The following LRMDA variants were observed in gnomAD, a reference collection of about 807,000 sequenced individuals.
The protein encoded by LRMDA is leucine-rich melanocyte differentiation-associated protein.
A neutral mutation model predicts 29.8 loss-of-function variants in LRMDA; 18 were observed. That is an observed-to-expected ratio of 0.60 (90% confidence interval 0.42 to 0.90). The LOEUF (loss-of-function observed/expected upper bound fraction) is 0.90, where lower values mean the gene tolerates loss of function less well. Among genes scored for constraint, LRMDA ranks in the 40% least tolerant of loss-of-function variants. The pLI, the probability that LRMDA is intolerant of heterozygous loss-of-function variation, is 0.00. For missense variants in LRMDA, 273 were observed against 273.9 expected (o/e 1.00, Z 0.02); for synonymous variants, 125 against 109.4 (o/e 1.14, Z -0.89).
chr10:76,521,188 C>G (rs1843116468), intron 6 of LRMDA, among the ~76,000 whole-genome samples: 2 of 149,798 alleles, frequency 1.3e-5, no homozygotes, highest in South Asian at 4.2e-4. Flanking sequence ...GGCTGGAGTG[C>G]CGTGGCGCGA....
intron 6 of LRMDA, among the ~76,000 whole-genome samples, chr10:76,501,358 A>G (rs1260067039): frequency 6.6e-6 from 1 of 152,074 alleles, no homozygotes; most frequent in East Asian, 1.9e-4. Flanking sequence ...TCTTTTTGGT[A>G]GAACAATTTA....
At chr10:75,680,321 C>T (rs1264080536) in intron 2 of LRMDA, among the ~76,000 whole-genome samples, 2 of 152,094 alleles carry the variant, frequency 1.3e-5, no homozygotes, top group African/African-American at 4.8e-5. Flanking sequence ...GAAGAATGTA[C>T]ACGAACCAAA....
chr10:75,658,897 C>G (rs1841713055), intron 2 of LRMDA, among the ~76,000 whole-genome samples: 1 of 152,206 alleles, frequency 6.6e-6, no homozygotes, highest in Non-Finnish European at 1.5e-5. Flanking sequence ...GCAGGGGCCA[C>G]TGCCCCTGTC....
chr10:76,463,451 T>G (rs1305294346), intron 6 of LRMDA, among the ~76,000 whole-genome samples: 1 of 152,150 alleles, frequency 6.6e-6, no homozygotes, highest in African/African-American at 2.4e-5. Flanking sequence ...CTGCCCAAAG[T>G]GAAGAAGATA....
At chr10:75,535,169 C>T (rs1839932231) in intron 2 of LRMDA, among the ~76,000 whole-genome samples, 1 of 151,914 alleles carries the variant, frequency 6.6e-6, no homozygotes, top group Non-Finnish European at 1.5e-5. Flanking sequence ...TTGTTGCTTT[C>T]TTTAGCCTGT....
chr10:76,300,543 C>T (rs1403500031), intron 5 of LRMDA, among the ~76,000 whole-genome samples: 2 of 152,230 alleles, frequency 1.3e-5, no homozygotes, highest in Non-Finnish European at 2.9e-5. Context: ...ACATACTTCA[C>T]ATGTGAAAAT....
chr10:76,190,689 T>C (rs1456203405), intron 5 of LRMDA, among the ~76,000 whole-genome samples: 2 of 152,182 alleles, frequency 1.3e-5, no homozygotes, highest in Admixed American at 6.6e-5. Context: ...TTGAAGTGTT[T>C]CTAACAAAGC....
At chr10:76,125,997 C>G (rs1227416690) in intron 5 of LRMDA, among the ~76,000 whole-genome samples, 1 of 152,200 alleles carries the variant, frequency 6.6e-6, no homozygotes, top group African/African-American at 2.4e-5. Context: ...CTCCTTTTCC[C>G]CTTTGTTCTT....
chr10:75,920,015 C>T (rs1406632280), intron 2 of LRMDA, among the ~76,000 whole-genome samples: 1 of 152,110 alleles, frequency 6.6e-6, no homozygotes, highest in African/African-American at 2.4e-5. Flanking sequence ...TTGACTAAAT[C>T]CCTTGAGTTG....
intron 6 of LRMDA, among the ~76,000 whole-genome samples, chr10:76,350,794 T>C (rs1841166970): frequency 6.6e-6 from 1 of 152,174 alleles, no homozygotes; most frequent in Admixed American, 6.5e-5. Context: ...CATAATTTTT[T>C]ATTTCTTGAA....
chr10:75,776,062 A>G (rs1224530920), intron 2 of LRMDA, among the ~76,000 whole-genome samples: 1 of 152,190 alleles, frequency 6.6e-6, no homozygotes, highest in Non-Finnish European at 1.5e-5. Context: ...TGCTGTTGAT[A>G]TTAATTAACC....
At chr10:75,723,396 T>C (rs971435259) in intron 2 of LRMDA, among the ~76,000 whole-genome samples, 10 of 152,208 alleles carry the variant, frequency 6.6e-5, no homozygotes, top group African/African-American at 2.4e-4. Context: ...GGGTCTTTGA[T>C]ACCGTTAGCT....
intron 6 of LRMDA, among the ~76,000 whole-genome samples, chr10:76,478,671 G>A (rs922875037): frequency 2.6e-5 from 4 of 152,138 alleles, no homozygotes; most frequent in African/African-American, 9.6e-5. Context: ...TGATAGACTG[G>A]ATTAAGAAAA....
chr10:75,796,168 T>C (rs889199367), intron 2 of LRMDA, among the ~76,000 whole-genome samples: 3 of 146,866 alleles, frequency 2.0e-5, no homozygotes, highest in Admixed American at 7.0e-5. Flanking sequence ...CCCAATTTTA[T>C]GTATTTTTTT....
chr10:75,552,130 CTCTT>C (rs1478155230), intron 2 of LRMDA, among the ~76,000 whole-genome samples: 1 of 152,082 alleles, frequency 6.6e-6, no homozygotes, highest in Non-Finnish European at 1.5e-5. Context: ...ATTTCTAGAG[CTCTT>C]TCTTTCTGTA....
intron 2 of LRMDA, among the ~76,000 whole-genome samples, chr10:75,746,913 A>T (rs1842897874): frequency 6.6e-6 from 1 of 152,150 alleles, no homozygotes; most frequent in South Asian, 2.1e-4. Flanking sequence ...CCTTAAACAG[A>T]GATCTTAGGG....
At chr10:75,932,069 T>G (rs190107434) in intron 2 of LRMDA, among the ~76,000 whole-genome samples, 27 of 152,314 alleles carry the variant, frequency 1.8e-4, no homozygotes, top group Admixed American at 5.9e-4. Context: ...TAAAAAGCTG[T>G]TATCATTTAT....
chr10:76,058,680 A>G lies in LRMDA; in HGVS notation c.413A>G (p.Tyr138Cys). 1 of 1,613,834 alleles carries G rather than the reference A, an allele frequency of 6.2e-7. No homozygotes were observed. The highest frequency in any genetic ancestry group is 8.5e-7 in the Non-Finnish European group (1 of 1,179,754). Residue 138 changes from tyrosine to cysteine, a missense_variant, in exon 5 of 7, where the codon TAC becomes TGC. Physicochemically the swap from Tyr to Cys is radical, Grantham distance 194 (BLOSUM62 -2). Transcript: ENST00000611255. ...TTATCTTCCAGATGCTTTGTTCTGT[A>G]CAAGCTGCCCAACTTGAAATTTCTG... ...DYKRYRCFVL[Y>C]KLPNLKFLDA...
At chr10:75,528,161 A>G (rs891550137) in intron 2 of LRMDA, among the ~76,000 whole-genome samples, 12 of 152,208 alleles carry the variant, frequency 7.9e-5, no homozygotes, top group African/African-American at 2.4e-4. Context: ...GGGAGAGCTG[A>G]GAACCAATCT....
Sources: gnomAD v4.1 joint callset for allele counts (sites outside exome capture counted in the v4.1 genomes callset) on GRCh38, gnomAD v4.1.1 for gene constraint, MANE v1.5 for transcripts, NCBI Gene and HGNC (gene_info 2026-07-23, HGNC 2026-07-21) for gene names.